Variants in GPR107 observed in about 807,000 individuals in gnomAD.
The protein encoded by GPR107 is protein GPR107.
A neutral mutation model predicts 75.5 loss-of-function variants in GPR107; 31 were observed. That is an observed-to-expected ratio of 0.41 (90% CI 0.31 to 0.55). The LOEUF is 0.55. Among genes scored for constraint, GPR107 ranks in the 20% least tolerant of loss-of-function variants. The pLI, the probability that GPR107 is intolerant of heterozygous loss-of-function variation, is 0.26. For missense variants in GPR107, 572 were observed against 665.7 expected (o/e 0.86, Z 1.55); for synonymous variants, 267 against 251.3 (o/e 1.06, Z -0.59).
At chr9:130,063,751 C>T (rs1829990128) in intron 1 of GPR107, among the ~76,000 whole-genome samples, 1 of 150,192 alleles carries the variant, frequency 6.7e-6, no homozygotes, top group African/African-American at 2.4e-5. Context: ...TTTTCTTTTT[C>T]CTTTGTATTG....
At chr9:130,092,701 C>T (rs1387740137) in intron 9 of GPR107, among the ~76,000 whole-genome samples, 2 of 152,064 alleles carry the variant, frequency 1.3e-5, no homozygotes, top group African/African-American at 4.8e-5. Context: ...CTGCAAGCTC[C>T]GCCTCCTGTG....
intron 13 of GPR107, among the ~76,000 whole-genome samples, chr9:130,106,118 C>T (rs1831149545): frequency 6.6e-6 from 1 of 152,176 alleles, no homozygotes; most frequent in African/African-American, 2.4e-5. Context: ...ACACATGCCA[C>T]TATCAGAATA....
intron 14 of GPR107, chr9:130,108,708 G>A (rs1178296041): frequency 4.4e-6 from 2 of 455,602 alleles, no homozygotes; most frequent in African/African-American, 2.0e-5. Context: ...ACCAGCTTTT[G>A]TTTTCTTTCT....
intron 14 of GPR107, among the ~76,000 whole-genome samples, chr9:130,122,039 C>A (rs4837469): frequency 1.3e-5 from 2 of 151,804 alleles, no homozygotes. Flanking sequence ...TACAGGCATC[C>A]GCCACCATGC....
chr9:130,061,098 T>C (rs1440291259), intron 1 of GPR107, among the ~76,000 whole-genome samples: 1 of 152,198 alleles, frequency 6.6e-6, no homozygotes, highest in Non-Finnish European at 1.5e-5. Context: ...TTCTGTCTCT[T>C]ACTCATTCAA....
At chr9:130,131,191 G>C (rs1167726626) in intron 17 of GPR107, among the ~76,000 whole-genome samples, 2 of 152,100 alleles carry the variant, frequency 1.3e-5, no homozygotes, top group African/African-American at 2.4e-5. Context: ...GAGGCTTTTG[G>C]GTGTTCATCT....
At chr9:130,063,921 C>T (rs1157792506) in intron 1 of GPR107, among the ~76,000 whole-genome samples, 2 of 151,466 alleles carry the variant, frequency 1.3e-5, no homozygotes, top group Non-Finnish European at 2.9e-5. Flanking sequence ...TCTCTTGCCT[C>T]AGCCTCCCAA....
intron 13 of GPR107, among the ~76,000 whole-genome samples, chr9:130,106,616 T>TAA (rs377656085): frequency 2.4e-5 from 1 of 41,974 alleles, no homozygotes; most frequent in Admixed American, 2.4e-4. Flanking sequence ...AATAAATAAA[T>TAA]AAATAATAAT....
Position 130,104,501 on chromosome 9 carries a change from T to C in GPR107, c.1213T>C (p.Phe405Leu), listed in dbSNP as rs746585406. 1.9e-6 allele frequency: 3 copies of C among 1,613,808 alleles called. No individual in the cohort carries two copies. ...TEYGLWKDSL[F>L]LVDLLCCGAI... ...ATATGGCTTGTGGAAGGACTCTCTA[T>C]TTCTGGTCGACCTGTTGTGTTGTGG... Residue 405 changes from phenylalanine to leucine, a missense_variant, in exon 13 of 18, where the codon TTT becomes CTT. Physicochemically the swap from Phe to Leu is conservative, Grantham distance 22. Transcript: ENST00000347136.
rs377190685 is a variant in GPR107, at chr9:130,083,748, A to G, written c.564+146A>G. ...TATACAGTCGTCCCTTGGTGACCACAGGGGATTGGTTACAGGAACCCTAGT... is the reference window on the plus strand; with the variant it reads ...TATACAGTCGTCCCTTGGTGACCACGGGGGATTGGTTACAGGAACCCTAGT... On this transcript the variant is annotated intron_variant, in intron 6 of 17. Coordinates refer to ENST00000347136, the MANE Select transcript of GPR107 (RefSeq NM_020960.5). 4.9e-4 allele frequency: 214 copies of G among 440,056 alleles called. 1 individual carries two copies. The East Asian group carries it at 6.5e-3, about 13-fold the overall frequency. 27.3% of individuals were successfully genotyped at this position (440,056 alleles called of 1,614,324 possible).
chr9:130,098,890 C>T (rs866520186), intron 9 of GPR107, among the ~76,000 whole-genome samples: 2 of 152,068 alleles, frequency 1.3e-5, no homozygotes, highest in Admixed American at 6.6e-5. Context: ...CGCCTGTAAT[C>T]CCGGCTACTC....
chr9:130,131,485 A>G (rs1314081677), intron 17 of GPR107, among the ~76,000 whole-genome samples: 1 of 151,934 alleles, frequency 6.6e-6, no homozygotes, highest in Non-Finnish European at 1.5e-5. Flanking sequence ...CTCCTGCGCT[A>G]CCACACACCC....
intron 6 of GPR107, among the ~76,000 whole-genome samples, chr9:130,084,939 C>T (rs931943832): frequency 1.3e-5 from 2 of 152,034 alleles, no homozygotes; most frequent in South Asian, 4.1e-4. Context: ...AAGAGAAAGA[C>T]AAGGGAGGGG....
At chr9:130,075,830 T>A (rs1830334375) in intron 2 of GPR107, 81 bp downstream of exon 2, 1 of 682,812 alleles carries the variant, frequency 1.5e-6, no homozygotes, top group Admixed American at 2.5e-5. Context: ...TCACCCAGGC[T>A]GGAGTGCGGT....
intron 14 of GPR107, among the ~76,000 whole-genome samples, chr9:130,122,572 A>G (rs1051758756): frequency 2.5e-4 from 38 of 152,214 alleles, no homozygotes; most frequent in Non-Finnish European, 5.1e-4. Flanking sequence ...CTGTGTGTGC[A>G]TGTCACTCAG....
intron 15 of GPR107, 149 bp downstream of exon 15, chr9:130,125,113 T>TTC (rs1554898158): frequency 7.8e-5 from 40 of 509,830 alleles, no homozygotes; most frequent in African/African-American, 3.8e-4. Flanking sequence ...TTTTTTTTTT[T>TTC]CTGGAGACGA....
intron 1 of GPR107, among the ~76,000 whole-genome samples, chr9:130,062,718 C>T (rs1397239404): frequency 2.7e-5 from 4 of 147,344 alleles, no homozygotes; most frequent in African/African-American, 7.5e-5. Context: ...TCTGTCCATC[C>T]GTCTTTTATT....
rs782128085 is a variant in GPR107, at chr9:130,135,100, C to T, written c.1638C>T (p.Gly546=). 32 of 1,606,486 alleles carry T rather than the reference C, an allele frequency of 2.0e-5. No individual in the cohort carries two copies. In the Admixed American group the frequency reaches 3.7e-4, roughly 18 times the overall value. ...KVTNGSVEPQ[G]EWEGAV ...CCAACGGCTCCGTGGAGCCCCAGGGCGAGTGGGAAGGCGCCGTGTGACAGA... is the reference window on the plus strand; with the variant it reads ...CCAACGGCTCCGTGGAGCCCCAGGGTGAGTGGGAAGGCGCCGTGTGACAGA... Residue 546 remains glycine, a synonymous_variant, in exon 18 of 18, where the codon GGC becomes GGT. Transcript: ENST00000347136.
At chr9:130,110,355 A>AT in intron 14 of GPR107, 7 of 1,507,944 alleles carry the variant, frequency 4.6e-6, no homozygotes, top group Non-Finnish European at 6.3e-6. Flanking sequence ...GCAGTTTCTC[A>AT]TTTTTTTCCA....
Sources: gnomAD v4.1 joint callset for allele counts (sites outside exome capture counted in the v4.1 genomes callset) on GRCh38, gnomAD v4.1.1 for gene constraint, MANE v1.5 for transcripts, NCBI Gene and HGNC (gene_info 2026-07-23, HGNC 2026-07-21) for gene names.